Variants in TEX10 observed in about 807,000 individuals in gnomAD.
TEX10 encodes the protein testis-expressed protein 10.
Under a neutral mutation model 104.4 loss-of-function variants are expected in TEX10, and 24 were observed. The observed-to-expected ratio is 0.23, with a 90% CI of 0.17 to 0.32. TEX10 has a LOEUF of 0.32. Among genes scored for constraint, TEX10 ranks in the 10% least tolerant of loss-of-function variants. The pLI is 1.00. For synonymous variants in TEX10, 396 were observed against 393.4 expected (o/e 1.01, Z -0.08); for missense variants, 921 against 1,083.9 (o/e 0.85, Z 2.11).
intron 13 of TEX10, among the ~76,000 whole-genome samples, chr9:100,308,103 A>G (rs571465847): frequency 3.3e-5 from 5 of 152,322 alleles, no homozygotes; most frequent in African/African-American, 9.6e-5. Context: ...CTTAAATCCA[A>G]GATTTTAAAA....
chr9:100,349,413 A>G, intron 1 of TEX10, 41 bp from the exon 2 acceptor site: 1 of 1,389,178 alleles, frequency 7.2e-7, no homozygotes, highest in Non-Finnish European at 9.5e-7. Flanking sequence ...GGATAGAGAC[A>G]AGAATAAATT....
chr9:100,309,746 G>A (rs972013798), intron 12 of TEX10, among the ~76,000 whole-genome samples: 2 of 152,156 alleles, frequency 1.3e-5, no homozygotes, highest in African/African-American at 4.8e-5. Context: ...ACAATAAAAA[G>A]CCAAAGATAA....
At chr9:100,324,725 G>T (rs190417471) in intron 9 of TEX10, among the ~76,000 whole-genome samples, 1 of 152,244 alleles carries the variant, frequency 6.6e-6, no homozygotes, top group African/African-American at 2.4e-5. Context: ...CTTCCAAGGA[G>T]AATCAATTTC....
At chr9:100,346,625 G>A in intron 3 of TEX10, 69 bp downstream of exon 3, 1 of 1,460,018 alleles carries the variant, frequency 6.8e-7, no homozygotes, top group Non-Finnish European at 9.3e-7. Context: ...CCCACCAACA[G>A]TCATCAATGG....
At chr9:100,322,623 A>G (rs982907756) in intron 9 of TEX10, among the ~76,000 whole-genome samples, 1 of 151,856 alleles carries the variant, frequency 6.6e-6, no homozygotes, top group Non-Finnish European at 1.5e-5. Context: ...ATTTATATAT[A>G]TATTTTTTGG....
rs374188742 is a variant in TEX10 at position 100,327,823 on chromosome 9, G to A, written c.1765C>T (p.Leu589=). The change falls in exon 8 of 15, where the codon CTA becomes TTA. Residue 589 remains leucine, a synonymous_variant. Transcript: ENST00000374902. ...AGGGCAGTAGCTTGTAAACTTTTTA[G>A]TAATTCTTTATTTGCTCGTGCTGCA... ...TAAARANKEL[L]KSLQATALRI... is the part of the protein sequence containing the mutation. 2.8e-5 allele frequency: 45 copies of A among 1,595,698 alleles called. No homozygotes were observed. The African/African-American group carries it at 5.5e-4, about 19-fold the overall frequency.
chr9:100,331,583 G>T (rs1024942427), intron 5 of TEX10, among the ~76,000 whole-genome samples: 11 of 152,160 alleles, frequency 7.2e-5, no homozygotes, highest in Non-Finnish European at 1.3e-4. Flanking sequence ...GGAAATAAAA[G>T]AAATCTGGCA....
chr9:100,303,904 T>A, intron 13 of TEX10, 62 bp from the exon 14 acceptor site: 1 of 1,494,030 alleles, frequency 6.7e-7, no homozygotes, highest in Non-Finnish European at 9.2e-7. Flanking sequence ...GCCCCCCTTC[T>A]ATATTCCCCC....
intron 6 of TEX10, 92 bp downstream of exon 6, chr9:100,329,839 G>T: frequency 1.9e-6 from 2 of 1,071,226 alleles, no homozygotes; most frequent in Non-Finnish European, 2.7e-6. Flanking sequence ...TGACTACATG[G>T]AATGTTTACA....
Position 100,326,304 on chromosome 9 carries a change from C to T in TEX10, c.1977G>A (p.Met659Ile). 1.2e-6 allele frequency: 2 copies of T among 1,613,574 alleles called. No individual in the cohort carries two copies. Among genetic ancestry groups the T allele is most frequent in the Non-Finnish European group, 1.7e-6 (2 of 1,179,774 alleles). The change falls in exon 9 of 15, where the codon ATG (methionine) becomes ATA (isoleucine). Residue 659 changes from methionine (M) to isoleucine (I), a missense_variant and splice_region_variant. Physicochemically the swap from Met to Ile is conservative, Grantham distance 10. Coordinates refer to ENST00000374902, the MANE Select transcript of TEX10 (RefSeq NM_017746.4). ...TACAGCTCACTTGAGCATGCTACCT[C>T]ATGTGCAGTATCCCGATAAGCATGG... ...LAAMLIGILH[M>I]RSSFSGWKYS...
chr9:100,313,869 C>T (rs1357386852), intron 11 of TEX10, among the ~76,000 whole-genome samples: 1 of 150,748 alleles, frequency 6.6e-6, no homozygotes, highest in Non-Finnish European at 1.5e-5. Flanking sequence ...AAAAGAGACA[C>T]ACACATAGGA....
intron 5 of TEX10, among the ~76,000 whole-genome samples, chr9:100,338,944 T>C (rs1835084895): frequency 6.6e-6 from 1 of 151,854 alleles, no homozygotes; most frequent in Admixed American, 6.6e-5. Flanking sequence ...TGACACATTC[T>C]TTTATGATTC....
Position 100,346,997 on chromosome 9 carries a change from T to C in TEX10, c.590A>G (p.Lys197Arg), listed in dbSNP as rs1456540164. The C allele has an allele frequency of 6.2e-7, 1 of 1,614,074 alleles. No individual in the cohort carries two copies. The highest frequency in any genetic ancestry group is 8.5e-7 in the Non-Finnish European group (1 of 1,180,020). The part of the protein sequence containing the change: ...VELISHQQLS[K>R]GLINRDRSQS... ...GGATCTGTCTCTATTTATCAGTCCT[T>C]TGGACAGCTGCTGATGAGAAATAAG... Residue 197 changes from lysine to arginine, a missense_variant, in exon 3 of 15, where the codon AAA becomes AGA. Physicochemically the swap from Lys to Arg is conservative, Grantham distance 26 (BLOSUM62 2). Coordinates refer to ENST00000374902, the MANE Select transcript of TEX10 (RefSeq NM_017746.4).
chr9:100,352,185 T>C (rs1267835946), intron 1 of TEX10, among the ~76,000 whole-genome samples: 2 of 152,164 alleles, frequency 1.3e-5, no homozygotes, highest in African/African-American at 4.8e-5. Flanking sequence ...CCTTTGATAA[T>C]TTCCTCCCCA....
At chr9:100,310,463 G>T in intron 11 of TEX10, 84 bp from the exon 12 acceptor site, 1 of 1,283,118 alleles carries the variant, frequency 7.8e-7, no homozygotes, top group South Asian at 1.3e-5. Context: ...TTTTGAGACA[G>T]AGTTTCACTC....
intron 11 of TEX10, among the ~76,000 whole-genome samples, chr9:100,319,809 AAAAAT>A (rs1034971803): frequency 1.1e-4 from 16 of 152,172 alleles, no homozygotes; most frequent in Non-Finnish European, 1.9e-4. Context: ...TCTGTCTCAA[AAAAAT>A]AAAATAAAAT....
intron 5 of TEX10, among the ~76,000 whole-genome samples, chr9:100,333,505 A>G (rs976607882): frequency 5.9e-5 from 9 of 152,066 alleles, no homozygotes; most frequent in South Asian, 2.1e-4. Context: ...AATACCAAAC[A>G]TAAGACTAAA....
chr9:100,347,419 A>G lies in TEX10; in HGVS notation c.181-13T>C. On this transcript the variant is annotated splice_polypyrimidine_tract_variant and intron_variant, in intron 2 of 14. Coordinates refer to ENST00000374902, the MANE Select transcript of TEX10 (RefSeq NM_017746.4). ...GTGACAGCAAATCCTATAAATAAAA[A>G]TACAAATTTTAGATGTATACTTATA... 6.5e-7 allele frequency: 1 copy of G among 1,539,156 alleles called. No homozygotes were observed. Among genetic ancestry groups the G allele is most frequent in the Non-Finnish European group, 8.7e-7 (1 of 1,146,998 alleles).
chr9:100,329,356 A>G (rs1834794380), intron 6 of TEX10, 81 bp from the exon 7 acceptor site: 1 of 1,521,746 alleles, frequency 6.6e-7, no homozygotes, highest in African/African-American at 1.4e-5. Context: ...GCACCGAAGT[A>G]CTTTACTTTC....
Sources: gnomAD v4.1 joint callset for allele counts (sites outside exome capture counted in the v4.1 genomes callset) on GRCh38, gnomAD v4.1.1 for gene constraint, MANE v1.5 for transcripts, NCBI Gene and HGNC (gene_info 2026-07-23, HGNC 2026-07-21) for gene names.